Variants in TOM1L1 observed in about 807,000 individuals in gnomAD.
TOM1L1 encodes TOM1-like protein 1.
TOM1L1 carries 64 observed loss-of-function variants against 63.4 expected under a neutral mutation model. The observed-to-expected ratio is 1.01, with a 90% CI of 0.83 to 1.24. The LOEUF (loss-of-function observed/expected upper bound fraction) is 1.24, where lower values mean the gene tolerates loss of function less well. Ranked by LOEUF, TOM1L1 falls within the 50% of genes most tolerant of loss-of-function variation. TOM1L1 has a pLI of 0.00. For synonymous variants in TOM1L1, 166 were observed against 194.4 expected (o/e 0.85, Z 1.22); for missense variants, 536 against 567.0 (o/e 0.95, Z 0.55).
intron 8 of TOM1L1, among the ~76,000 whole-genome samples, chr17:54,930,568 G>A (rs1441421229): frequency 3.3e-5 from 5 of 152,062 alleles, no homozygotes; most frequent in African/African-American, 7.2e-5. Flanking sequence ...GGCCGGACAC[G>A]GTGGCTCACA....
intron 12 of TOM1L1, among the ~76,000 whole-genome samples, chr17:54,948,656 TC>T (rs2049159824): frequency 6.6e-6 from 1 of 152,238 alleles, no homozygotes; most frequent in Non-Finnish European, 1.5e-5. Flanking sequence ...GGATATCTGT[TC>T]ACATTTGTTG....
chr17:54,948,923 A>G (rs2049164104), intron 12 of TOM1L1, among the ~76,000 whole-genome samples: 1 of 152,236 alleles, frequency 6.6e-6, no homozygotes, highest in South Asian at 2.1e-4. Flanking sequence ...ACAACAGAGA[A>G]TCTGGCCTGA....
chr17:54,913,481 T>C (rs2048528326), intron 4 of TOM1L1, among the ~76,000 whole-genome samples: 1 of 151,912 alleles, frequency 6.6e-6, no homozygotes, highest in Non-Finnish European at 1.5e-5. Context: ...CTGGCCAACA[T>C]AGTGAAACCC....
At chr17:54,950,020 T>C in intron 13 of TOM1L1, 25 bp from the exon 14 acceptor site, 1 of 1,589,354 alleles carries the variant, frequency 6.3e-7, no homozygotes, top group Non-Finnish European at 8.6e-7. Flanking sequence ...ACAATATGTT[T>C]ACTGGTCTCT....
In TOM1L1 at chr17:54,960,559, G is replaced by C. The variant is rs990049777; in HGVS notation, c.1371-7G>C. ...ATAACCCTTTTGCTGTGATGGCTTT[G>C]TTTCAGAGCTATTTATGAAGAAATT... On this transcript the variant is annotated splice_polypyrimidine_tract_variant and splice_region_variant and intron_variant, in intron 14 of 15. Coordinates refer to ENST00000575882, the MANE Select transcript of TOM1L1 (RefSeq NM_005486.3). 2.2e-5 allele frequency: 36 copies of C among 1,612,090 alleles called. No homozygotes were observed. Among genetic ancestry groups the C allele is most frequent in the Non-Finnish European group, 2.8e-5 (33 of 1,178,972 alleles).
intron 7 of TOM1L1, among the ~76,000 whole-genome samples, chr17:54,923,799 G>A (rs887550572): frequency 6.6e-6 from 1 of 151,856 alleles, no homozygotes; most frequent in African/African-American, 2.4e-5. Flanking sequence ...ACCTGCCTTG[G>A]CCTCCCAAAG....
intron 11 of TOM1L1, among the ~76,000 whole-genome samples, chr17:54,946,475 A>C (rs1204136082): frequency 1.3e-5 from 2 of 152,146 alleles, no homozygotes; most frequent in Non-Finnish European, 2.9e-5. Flanking sequence ...GCTCCTATTG[A>C]AGAGGAAGAT....
intron 3 of TOM1L1, 70 bp downstream of exon 3, chr17:54,905,637 T>TA: frequency 3.9e-6 from 4 of 1,025,112 alleles, no homozygotes; most frequent in South Asian, 1.5e-5. Flanking sequence ...TAATCCTGGG[T>TA]AAAAAATAAG....
At chr17:54,946,611 C>G (rs971653533) in intron 11 of TOM1L1, among the ~76,000 whole-genome samples, 1 of 152,202 alleles carries the variant, frequency 6.6e-6, no homozygotes, top group African/African-American at 2.4e-5. Flanking sequence ...CAAGAGATTT[C>G]TACATTCTGA....
chr17:54,949,725 G>A, intron 13 of TOM1L1, 102 bp downstream of exon 13: 1 of 993,568 alleles, frequency 1.0e-6, no homozygotes, highest in East Asian at 2.4e-5. Flanking sequence ...AATTAGAGAT[G>A]CTCTTTTGTA....
chr17:54,937,524 C>T (rs1437566826), intron 10 of TOM1L1: 2 of 347,788 alleles, frequency 5.8e-6, no homozygotes, highest in African/African-American at 4.2e-5. Context: ...TTAAAGTCTA[C>T]TGTGAACCTA....
chr17:54,918,912 A>C (rs182311835), intron 7 of TOM1L1, among the ~76,000 whole-genome samples: 91 of 152,344 alleles, frequency 6.0e-4, no homozygotes, highest in African/African-American at 2.2e-3. Context: ...TCTGCAGAAC[A>C]TCAGGGTAGT....
At chr17:54,950,827 G>T (rs574950002) in intron 14 of TOM1L1, among the ~76,000 whole-genome samples, 17 of 152,260 alleles carry the variant, frequency 1.1e-4, no homozygotes, top group African/African-American at 3.9e-4. Context: ...TTAATTGCTG[G>T]TTTGGGAAAC....
intron 11 of TOM1L1, among the ~76,000 whole-genome samples, chr17:54,940,710 A>G (rs2143914469): frequency 6.6e-6 from 1 of 152,336 alleles, no homozygotes; most frequent in Middle Eastern, 3.4e-3. Context: ...TGTGTAATAT[A>G]TTGCATTTGT....
rs2143772353 is a variant in TOM1L1, at chr17:54,913,302, C to T, written c.373-446C>T. The stretch of plus-strand genomic sequence containing the variant: ...AAATGAGCATTTTGCCCATGGCATT[C>T]AAAAGTAGCTTTCTCTTTCTGAGTG... On this transcript the variant is annotated intron_variant, in intron 4 of 15. Transcript: ENST00000575882. Among the ~76,000 whole-genome samples, 3 of 152,274 alleles carry T rather than the reference C, an allele frequency of 2.0e-5. No individual in the cohort carries two copies. The South Asian group carries it at 6.2e-4, about 32-fold the overall frequency.
intron 3 of TOM1L1, among the ~76,000 whole-genome samples, chr17:54,909,691 C>A (rs2048467063): frequency 1.3e-5 from 2 of 152,140 alleles, no homozygotes; most frequent in Admixed American, 1.3e-4. Context: ...CAGATAAGGA[C>A]ACTGAAGCTT....
intron 6 of TOM1L1, 75 bp from the exon 7 acceptor site, chr17:54,915,671 G>A: frequency 1.0e-6 from 1 of 1,004,626 alleles, no homozygotes; most frequent in Non-Finnish European, 1.4e-6. Context: ...TCCAGCAAAT[G>A]TCCCATGGGG....
chr17:54,930,761 G>A (rs2048845360), intron 8 of TOM1L1, among the ~76,000 whole-genome samples: 1 of 152,182 alleles, frequency 6.6e-6, no homozygotes, highest in South Asian at 2.1e-4. Context: ...ATAATTGCTT[G>A]AACCTGGGAG....
intron 8 of TOM1L1, among the ~76,000 whole-genome samples, chr17:54,933,767 C>T (rs1223930719): frequency 6.6e-6 from 1 of 152,158 alleles, no homozygotes; most frequent in Non-Finnish European, 1.5e-5. Context: ...GTGATCCACC[C>T]ACCTCGGCCT....
Sources: gnomAD v4.1 joint callset for allele counts (sites outside exome capture counted in the v4.1 genomes callset) on GRCh38, gnomAD v4.1.1 for gene constraint, MANE v1.5 for transcripts, NCBI Gene and HGNC (gene_info 2026-07-23, HGNC 2026-07-21) for gene names.